Variants in CDON observed in about 807,000 individuals in gnomAD.
CDON encodes the protein cell adhesion molecule-related/down-regulated by oncogenes.
In CDON, 73 loss-of-function variants were observed where a neutral mutation model predicts 120.9. The observed-to-expected ratio is 0.60, with a 90% CI of 0.50 to 0.73. CDON has a LOEUF of 0.73. Ranked by LOEUF, CDON falls within the 30% of genes least tolerant of loss-of-function variation. The pLI is 0.00. For missense variants in CDON, 1,470 were observed against 1,587.3 expected, an observed-to-expected ratio of 0.93 and a Z score of 1.26; for synonymous variants, 566 against 573.5, an observed-to-expected ratio of 0.99 and a Z score of 0.19.
In CDON at chr11:125,961,747, T is replaced by G. The variant is rs1434673745; in HGVS notation, c.3608A>C (p.Glu1203Ala). ...ACCTCTGCTGAACTCTGCTGGATCT[T>G]CTGAGCCATCAGAGCTGACGTCATT... ...IVNDVSSDGS[E>A]DPAEFSRGDS... is the part of the protein sequence containing the mutation. The change falls in exon 19 of 20, where the codon GAA becomes GCA. Residue 1203 changes from glutamate (E) to alanine (A), a missense_variant. Transcript: ENST00000531738. 1.2e-6 allele frequency: 2 copies of G among 1,614,168 alleles called. No individual in the cohort carries two copies. Among genetic ancestry groups the G allele is most frequent in the South Asian group, 2.2e-5 (2 of 91,076 alleles).
intron 1 of CDON, among the ~76,000 whole-genome samples, chr11:126,058,533 T>C (rs1408443795): frequency 6.6e-6 from 1 of 152,196 alleles, no homozygotes; most frequent in East Asian, 1.9e-4. Context: ...GAGAACTTGG[T>C]AGAGGGCTAC....
intron 16 of CDON, among the ~76,000 whole-genome samples, chr11:125,983,491 C>T (rs531632516): frequency 6.6e-6 from 1 of 152,304 alleles, no homozygotes; most frequent in Non-Finnish European, 1.5e-5. Context: ...TCCATCATGG[C>T]TTTTCTATTC....
chr11:126,054,707 T>C (rs747193724), intron 1 of CDON, among the ~76,000 whole-genome samples: 3 of 152,204 alleles, frequency 2.0e-5, no homozygotes, highest in Non-Finnish European at 2.9e-5. Flanking sequence ...AATATGCAGT[T>C]GAACACACTC....
chr11:125,982,887 C>A (rs556164489), intron 16 of CDON, among the ~76,000 whole-genome samples: 1 of 152,288 alleles, frequency 6.6e-6, no homozygotes, highest in East Asian at 1.9e-4. Flanking sequence ...TGATTCAACA[C>A]GCACTCACAC....
At chr11:126,013,077 A>C (rs1050773152) in intron 7 of CDON, among the ~76,000 whole-genome samples, 1 of 152,214 alleles carries the variant, frequency 6.6e-6, no homozygotes, top group African/African-American at 2.4e-5. Context: ...TGGATACTTA[A>C]TTACGTCCAA....
intron 15 of CDON, among the ~76,000 whole-genome samples, chr11:125,987,501 T>C (rs575605775): frequency 6.6e-6 from 1 of 152,362 alleles, no homozygotes; most frequent in South Asian, 2.1e-4. Context: ...TTATGTAATA[T>C]GTAATTACGT....
Position 126,006,062 on chromosome 11 carries a change from A to G in CDON, c.1553-5T>C, listed in dbSNP as rs763114560. ...TTGTATTTGTTTCAAAAGGAACTGC[A>G]GGGAGAGAGAGAGGAGACAGCTTGA... On this transcript the variant is annotated splice_polypyrimidine_tract_variant and splice_region_variant and intron_variant, in intron 8 of 19. Coordinates refer to ENST00000531738, the MANE Select transcript of CDON (RefSeq NM_001378964.1). 4 of 1,613,346 alleles carry G rather than the reference A, an allele frequency of 2.5e-6. No homozygotes were observed. The South Asian group carries it at 4.4e-5, about 18-fold the overall frequency.
rs774955525 is a variant in CDON at position 126,010,686 on chromosome 11, A to T, written c.1207T>A (p.Phe403Ile). 19 of 1,613,664 alleles carry T rather than the reference A, an allele frequency of 1.2e-5. No individual in the cohort carries two copies. The South Asian group carries it at 2.1e-4, about 18-fold the overall frequency. ...GRLEIENDGG[F>I]KPVIITAPVS... ...GGTGCCGTAATTATAACTGGCTTGA[A>T]TCCACCGTCTATTAAAAAAGTAATT... is the stretch of plus-strand genomic sequence containing the variant. Residue 403 changes from phenylalanine (F) to isoleucine (I), a missense_variant, in exon 8 of 20, where the codon TTC (phenylalanine) becomes ATC (isoleucine). By Grantham distance (21) the Phe-to-Ile change is conservative. Coordinates refer to ENST00000531738, the MANE Select transcript of CDON (RefSeq NM_001378964.1).
chr11:126,063,003 G>C (rs1209597997), upstream of CDON, among the ~76,000 whole-genome samples: 1 of 151,836 alleles, frequency 6.6e-6, no homozygotes, highest in Non-Finnish European at 1.5e-5. Flanking sequence ...GCGGGCCGTA[G>C]AGGCCGCTGT....
chr11:126,020,614 G>C (rs1440557621), intron 3 of CDON, among the ~76,000 whole-genome samples: 4 of 152,192 alleles, frequency 2.6e-5, no homozygotes, highest in Non-Finnish European at 5.9e-5. Context: ...TCTGTAAATA[G>C]GGGTGCCCTT....
chr11:125,958,257 A>C lies in CDON; in HGVS notation c.*2685T>G, dbSNP rs1945538698. The C allele has an allele frequency of 6.6e-6, 1 of 152,240 alleles. No homozygotes were observed. The highest frequency in any genetic ancestry group is 2.4e-5 in the African/African-American group (1 of 41,468). The allele number at this position is 152,240 out of a possible 1,614,324, so 9.4% of individuals were successfully genotyped here. The stretch of plus-strand genomic sequence containing the variant: ...TGGGAGGAGCCCAGATTATGGCTCC[A>C]GATAAACTAGGTTCGGATTCAGGTC... On this transcript the variant is annotated 3_prime_UTR_variant, in exon 20 of 20. Transcript: ENST00000531738.
intron 1 of CDON, among the ~76,000 whole-genome samples, chr11:126,049,327 A>C (rs1025219256): frequency 6.6e-6 from 1 of 152,228 alleles, no homozygotes; most frequent in Non-Finnish European, 1.5e-5. Context: ...AAATTGCTTG[A>C]CAGATCGTAG....
At chr11:126,025,389 T>C (rs1180614116) in intron 1 of CDON, among the ~76,000 whole-genome samples, 1 of 152,034 alleles carries the variant, frequency 6.6e-6, no homozygotes, top group Non-Finnish European at 1.5e-5. Context: ...AGCGTGATGG[T>C]AGTTCAGGGT....
chr11:126,008,584 C>T (rs1381369688), intron 8 of CDON, among the ~76,000 whole-genome samples: 1 of 152,100 alleles, frequency 6.6e-6, no homozygotes, highest in Admixed American at 6.5e-5. Context: ...GGAAGTTCGA[C>T]AAAATATCTA....
chr11:126,062,954 C>G (rs1948842212), upstream of CDON: 1 of 151,692 alleles, frequency 6.6e-6, no homozygotes, highest in Non-Finnish European at 1.5e-5. Flanking sequence ...CCGGAGCACG[C>G]GAGCAGCGGG....
At chr11:125,970,584 C>T (rs1418675138) in intron 18 of CDON, among the ~76,000 whole-genome samples, 2 of 152,210 alleles carry the variant, frequency 1.3e-5, no homozygotes, top group Non-Finnish European at 2.9e-5. Flanking sequence ...CTAAAGAACC[C>T]TGATGGCACC....
chr11:125,971,299 C>T (rs987779923), intron 18 of CDON, among the ~76,000 whole-genome samples: 15 of 151,890 alleles, frequency 9.9e-5, no homozygotes, highest in African/African-American at 3.6e-4. Flanking sequence ...AGGAGAATGG[C>T]GTGAACCTGG....
chr11:125,994,437 C>A (rs769826022), intron 13 of CDON, 48 bp from the exon 14 acceptor site: 10 of 997,148 alleles, frequency 1.0e-5, no homozygotes, highest in Admixed American at 7.0e-5. Context: ...TTAATGTAAC[C>A]TTCTCATTCA....
In CDON at chr11:126,021,223, C is replaced by T. The variant is rs1591395419; in HGVS notation, c.349+25G>A. 3.7e-6 allele frequency: 6 copies of T among 1,612,476 alleles called. No individual in the cohort carries two copies. The East Asian group carries it at 1.3e-4, about 36-fold the overall frequency. On this transcript the variant is annotated intron_variant, in intron 3 of 19. Coordinates refer to ENST00000531738, the MANE Select transcript of CDON (RefSeq NM_001378964.1). Reference sequence around the variant, plus strand: ...ACAGTAATTTCAAGAAAACCCATACCTAACAGGGACAAAATTAAACTCACC... The same window carrying T: ...ACAGTAATTTCAAGAAAACCCATACTTAACAGGGACAAAATTAAACTCACC...
Sources: allele counts gnomAD v4.1 joint callset (sites outside exome capture counted in the v4.1 genomes callset), GRCh38; gene constraint gnomAD v4.1.1; transcripts MANE v1.5; gene names NCBI Gene and HGNC (gene_info 2026-07-23, HGNC 2026-07-21).